The following MOGAT2 variants were observed in gnomAD, a reference collection of about 807,000 sequenced individuals.
MOGAT2 encodes the protein 2-acylglycerol O-acyltransferase 2.
MOGAT2 carries 27 observed loss-of-function variants against 31.5 expected under a neutral mutation model. The ratio of observed to expected loss-of-function variants is 0.86; its 90% CI spans 0.63 to 1.18. The LOEUF (loss-of-function observed/expected upper bound fraction) is 1.18. MOGAT2 is among the 50% of genes most tolerant of loss of function. MOGAT2 has a pLI of 0.00. For missense variants in MOGAT2, 436 were observed against 433.2 expected, an observed-to-expected ratio of 1.01 and a Z score of -0.06; for synonymous variants, 163 against 170.0, an observed-to-expected ratio of 0.96 and a Z score of 0.32.
intron 4 of MOGAT2, chr11:75,728,395 TGTG>T: frequency 1.6e-6 from 1 of 642,164 alleles, no homozygotes; most frequent in Non-Finnish European, 2.8e-6. Context: ...ATCTGAGATC[TGTG>T]GTATCTAGAA....
intron 1 of MOGAT2, among the ~76,000 whole-genome samples, chr11:75,718,277 G>T (rs568274719): frequency 6.6e-6 from 1 of 152,216 alleles, no homozygotes; most frequent in African/African-American, 2.4e-5. Context: ...GCCAAGTGGT[G>T]TGGGAAAGCC....
chr11:75,719,881 G>T, intron 1 of MOGAT2, 111 bp from the exon 2 acceptor site: 1 of 1,088,062 alleles, frequency 9.2e-7, no homozygotes, highest in Non-Finnish European at 1.3e-6. Context: ...CCCGAGGATT[G>T]GACAGGACAG....
intron 2 of MOGAT2, among the ~76,000 whole-genome samples, chr11:75,725,959 G>A (rs936213594): frequency 6.6e-6 from 1 of 152,198 alleles, no homozygotes; most frequent in Non-Finnish European, 1.5e-5. Flanking sequence ...GGTGGCCCCC[G>A]CAGTTCCTTA....
At chr11:75,718,051 C>A in intron 1 of MOGAT2, 72 bp downstream of exon 1, 1 of 1,388,162 alleles carries the variant, frequency 7.2e-7, no homozygotes, top group Non-Finnish European at 1.0e-6. Flanking sequence ...ACCAGGTGCA[C>A]ACAGCACATT....
In MOGAT2 at chr11:75,720,319, A is replaced by G; in HGVS notation, c.270+149A>G. On this transcript the variant is annotated intron_variant, in intron 2 of 5. Coordinates refer to ENST00000198801, the MANE Select transcript of MOGAT2 (RefSeq NM_025098.4). ...GGCAGGAGCTAGGGCTTCCGCTACT[A>G]TGTGACCTAGAGAAGAGTCCAGCTT... The G allele has an allele frequency of 7.3e-6, 6 of 819,108 alleles. No individual in the cohort carries two copies. In the South Asian group the frequency reaches 7.6e-5, roughly 10 times the overall value. 50.7% of individuals were successfully genotyped at this position (819,108 alleles called of 1,614,324 possible). A position where few individuals can be genotyped will look rare whatever the true frequency, so the allele number is the denominator to read the frequency against.
rs921359707 is a variant in MOGAT2, at chr11:75,728,041, A to G, written c.547A>G (p.Ile183Val). ...GAAGGGTGGCGGAAACTTGCTGGGC[A>G]TCATTGTAGGGGGTGCCCAGGAGGC... ...NRKGGGNLLG[I>V]IVGGAQEALD... The change falls in exon 4 of 6, where the codon ATC becomes GTC. Residue 183 changes from isoleucine to valine, a missense_variant. Transcript: ENST00000198801. 1.9e-6 allele frequency: 3 copies of G among 1,614,014 alleles called. No homozygotes were observed. The highest frequency in any genetic ancestry group is 2.5e-6 in the Non-Finnish European group (3 of 1,179,952).
intron 3 of MOGAT2, 111 bp from the exon 4 acceptor site, chr11:75,727,859 A>G (rs1273364281): frequency 4.9e-6 from 6 of 1,232,634 alleles, no homozygotes; most frequent in South Asian, 1.5e-5. Context: ...GCAGTGGGGG[A>G]AAAACCCCAG....
In MOGAT2 at chr11:75,720,151, A is replaced by G. The variant is rs747740701; in HGVS notation, c.251A>G (p.Lys84Arg). The change falls in exon 2 of 6, where the codon AAG becomes AGG. Residue 84 changes from lysine (K) to arginine (R), a missense_variant. Physicochemically the swap from Lys to Arg is conservative, Grantham distance 26. Transcript: ENST00000198801. Reference protein sequence around the residue: ...IRCWTIWKYMKDYFPISLVKT... With the variant: ...IRCWTIWKYMRDYFPISLVKT... ...TGCTGGACTATATGGAAGTACATGA[A>G]GGACTATTTCCCCATCTCGGTGAGT... is the stretch of plus-strand genomic sequence containing the variant. 6.2e-7 allele frequency: 1 copy of G among 1,613,296 alleles called. No homozygotes were observed. The highest frequency in any genetic ancestry group is 1.1e-5 in the South Asian group (1 of 90,978).
chr11:75,722,968 T>C (rs187891711), intron 2 of MOGAT2, among the ~76,000 whole-genome samples: 62 of 152,360 alleles, frequency 4.1e-4, no homozygotes, highest in African/African-American at 1.4e-3. Flanking sequence ...GGTTTTGTTT[T>C]TGTTTTTTTC....
intron 2 of MOGAT2, among the ~76,000 whole-genome samples, chr11:75,721,985 C>T (rs923207200): frequency 3.3e-5 from 5 of 152,170 alleles, no homozygotes; most frequent in Non-Finnish European, 7.3e-5. Context: ...GCCTCCAGGG[C>T]AAAGGGCAAT....
Position 75,727,486 on chromosome 11 carries a change from C to T in MOGAT2, c.322C>T (p.His108Tyr), listed in dbSNP as rs759427235. The change falls in exon 3 of 6, where the codon CAC (histidine) becomes TAC (tyrosine). Residue 108 changes from histidine (H) to tyrosine (Y), a missense_variant. Transcript: ENST00000198801. ...DPSRNYIAGF[H>Y]PHGVLAVGAF... ...CTCTCGGAACTACATTGCGGGCTTC[C>T]ACCCCCATGGAGTCCTGGCAGTCGG... 2 of 1,614,158 alleles carry T rather than the reference C, an allele frequency of 1.2e-6. No homozygotes were observed. The highest frequency in any genetic ancestry group is 1.3e-5 in the African/African-American group (1 of 75,038).
intron 1 of MOGAT2, 87 bp from the exon 2 acceptor site, chr11:75,719,905 A>G (rs650861): frequency 0.42 from 567,724 of 1,343,350 alleles, 125,507 homozygotes; most frequent in Middle Eastern, 0.47. Flanking sequence ...TGCTAGTGCC[A>G]GGCCTATGGG....
At chr11:75,729,794 G>C (rs1300166112) in intron 5 of MOGAT2, among the ~76,000 whole-genome samples, 1 of 145,220 alleles carries the variant, frequency 6.9e-6, no homozygotes, top group Non-Finnish European at 1.5e-5. Context: ...GCCCAGGCTG[G>C]AGTGCAGTGG....
chr11:75,729,488 T>C (rs1590843945), intron 5 of MOGAT2, among the ~76,000 whole-genome samples: 1 of 152,250 alleles, frequency 6.6e-6, no homozygotes, highest in East Asian at 1.9e-4. Flanking sequence ...TTGGCCAGGC[T>C]GTTCTCAAAC....
In MOGAT2 at chr11:75,727,634, C is replaced by T. The variant is rs1348894994; in HGVS notation, c.470C>T (p.Ser157Phe). Residue 157 changes from serine to phenylalanine, a missense_variant, in exon 3 of 6, where the codon TCT (serine) becomes TTT (phenylalanine). Physicochemically the swap from Ser to Phe is radical, Grantham distance 155 (BLOSUM62 -2). Transcript: ENST00000198801. ...RAPFFRDYIM[S>F]AGLVTSEKES... Reference sequence around the variant, plus strand: ...CCCTTCTTCAGAGATTACATCATGTCTGCAGGTGAGTCTTTCTACCCCTGA... The same window carrying T: ...CCCTTCTTCAGAGATTACATCATGTTTGCAGGTGAGTCTTTCTACCCCTGA... 3.1e-6 allele frequency: 5 copies of T among 1,613,268 alleles called. No individual in the cohort carries two copies. Among genetic ancestry groups the T allele is most frequent in the Non-Finnish European group, 4.2e-6 (5 of 1,179,582 alleles).
intron 2 of MOGAT2, among the ~76,000 whole-genome samples, chr11:75,721,340 T>C (rs1944375040): frequency 6.6e-6 from 1 of 152,012 alleles, no homozygotes; most frequent in South Asian, 2.1e-4. Flanking sequence ...TGGAGTGCAA[T>C]GGCACGATCT....
At chr11:75,727,717 C>A in intron 3 of MOGAT2, 78 bp downstream of exon 3, 1 of 1,406,558 alleles carries the variant, frequency 7.1e-7, no homozygotes, top group Non-Finnish European at 9.9e-7. Context: ...GTACTTCTTC[C>A]AAGAGCGTGT....
At chr11:75,721,862 G>C (rs1247236819) in intron 2 of MOGAT2, among the ~76,000 whole-genome samples, 1 of 152,188 alleles carries the variant, frequency 6.6e-6, no homozygotes, top group African/African-American at 2.4e-5. Flanking sequence ...GGGAACGCAG[G>C]GTGGTTGGGG....
intron 1 of MOGAT2, chr11:75,719,762 C>G: frequency 1.9e-6 from 1 of 520,444 alleles, no homozygotes; most frequent in East Asian, 3.0e-5. Flanking sequence ...TGGAGTTAGG[C>G]CTACCTAGGC....
Sources: allele counts gnomAD v4.1 joint callset (sites outside exome capture counted in the v4.1 genomes callset), GRCh38; gene constraint gnomAD v4.1.1; transcripts MANE v1.5; gene names NCBI Gene and HGNC (gene_info 2026-07-23, HGNC 2026-07-21).